The following GABPB1 variants were observed in gnomAD, a reference collection of about 807,000 sequenced individuals.
GABPB1 encodes GA-binding protein subunit beta-1.
In GABPB1, 15 loss-of-function variants were observed where a neutral mutation model predicts 45.9. The ratio of observed to expected loss-of-function variants is 0.33; its 90% CI spans 0.22 to 0.50. GABPB1 has a LOEUF of 0.50. GABPB1 is among the 20% of genes least tolerant of loss of function. GABPB1 has a pLI of 0.98. For synonymous variants in GABPB1, 143 were observed against 154.4 expected (o/e 0.93, Z 0.55); for missense variants, 252 against 457.5 (o/e 0.55, Z 4.10).
At chr15:50,331,448 T>A (rs984226483) in intron 1 of GABPB1, among the ~76,000 whole-genome samples, 1 of 152,180 alleles carries the variant, frequency 6.6e-6, no homozygotes, top group Admixed American at 6.5e-5. Flanking sequence ...ACCCTGGTGA[T>A]CCAGGGAAAT....
intron 1 of GABPB1, among the ~76,000 whole-genome samples, chr15:50,347,125 A>G (rs1000881148): frequency 3.9e-5 from 6 of 152,016 alleles, no homozygotes; most frequent in Admixed American, 2.6e-4. Context: ...CCCACTCCTG[A>G]GGGCTCTACC....
chr15:50,314,183 A>ATT (rs879259395), intron 1 of GABPB1, among the ~76,000 whole-genome samples: 70 of 115,620 alleles, frequency 6.1e-4, no homozygotes, highest in Middle Eastern at 5.3e-3. Flanking sequence ...TTATTTATTT[A>ATT]TTTATTTATT....
chr15:50,293,279 T>C (rs1470274711), intron 6 of GABPB1, among the ~76,000 whole-genome samples: 1 of 151,740 alleles, frequency 6.6e-6, no homozygotes, highest in Non-Finnish European at 1.5e-5. Flanking sequence ...AGGAACTGCT[T>C]TTTTTTTAAG....
chr15:50,290,341 A>G (rs1406148497), intron 6 of GABPB1, among the ~76,000 whole-genome samples: 1 of 152,208 alleles, frequency 6.6e-6, no homozygotes, highest in Non-Finnish European at 1.5e-5. Context: ...CTGTAATCCC[A>G]GCACTTTGAG....
At chr15:50,294,226 G>C (rs1168527315) in intron 6 of GABPB1, among the ~76,000 whole-genome samples, 2 of 152,112 alleles carry the variant, frequency 1.3e-5, no homozygotes, top group African/African-American at 4.8e-5. Context: ...TAATAAAATA[G>C]AAACTATGGA....
intron 1 of GABPB1, among the ~76,000 whole-genome samples, chr15:50,346,880 C>T (rs188221830): frequency 1.8e-4 from 27 of 151,656 alleles, no homozygotes; most frequent in East Asian, 7.7e-4. Flanking sequence ...CTCCGCCCCC[C>T]CCAGGTTCAA....
intron 1 of GABPB1, among the ~76,000 whole-genome samples, chr15:50,338,675 T>C (rs964854487): frequency 1.3e-5 from 2 of 151,912 alleles, no homozygotes; most frequent in Non-Finnish European, 2.9e-5. Context: ...GGCTTCACCA[T>C]GTTACACAGG....
intron 8 of GABPB1, among the ~76,000 whole-genome samples, chr15:50,282,865 G>C (rs1357070514): frequency 6.6e-6 from 1 of 152,068 alleles, no homozygotes; most frequent in Non-Finnish European, 1.5e-5. Flanking sequence ...GATCAGCCTG[G>C]CCAACCCGGT....
chr15:50,337,439 A>G (rs2048190634), intron 1 of GABPB1, among the ~76,000 whole-genome samples: 1 of 152,094 alleles, frequency 6.6e-6, no homozygotes, highest in African/African-American at 2.4e-5. Flanking sequence ...CTCTTCAGAC[A>G]TAAATGGTTA....
intron 8 of GABPB1, chr15:50,285,762 G>A (rs1733003676): frequency 9.2e-7 from 1 of 1,092,212 alleles, no homozygotes; most frequent in African/African-American, 1.6e-5. Flanking sequence ...TTTTCCTTTA[G>A]TGACGTGTAA....
intron 6 of GABPB1, 127 bp from the exon 7 acceptor site, chr15:50,289,795 T>C (rs1182971110): frequency 6.3e-6 from 4 of 629,950 alleles, no homozygotes; most frequent in African/African-American, 6.2e-5. Context: ...TAAATAGAGA[T>C]AGGGTCTCAC....
chr15:50,323,103 G>C (rs1269307829), intron 1 of GABPB1, among the ~76,000 whole-genome samples: 1 of 152,156 alleles, frequency 6.6e-6, no homozygotes, highest in Admixed American at 6.6e-5. Context: ...GGGCACAGTG[G>C]TGTGCACCTG....
intron 1 of GABPB1, among the ~76,000 whole-genome samples, chr15:50,332,686 G>A (rs1419380567): frequency 1.3e-5 from 2 of 151,582 alleles, no homozygotes; most frequent in Non-Finnish European, 2.9e-5. Context: ...GTTGAAGGTG[G>A]GTAATAAATA....
In GABPB1 at chr15:50,320,841, C is replaced by T. The variant is rs200739007; in HGVS notation, c.1-11043G>A. Among the ~76,000 whole-genome samples, 23 of 152,176 alleles carry T rather than the reference C, an allele frequency of 1.5e-4. 1 individual carries two copies. In the East Asian group the frequency reaches 2.5e-3, roughly 17 times the overall value. ...AGATTTGAAGATACTATGCTGTTGG[C>T]CTTAAAGATGGAGGAAGGGGTCACA... is the stretch of plus-strand genomic sequence containing the variant. On this transcript the variant is annotated intron_variant, in intron 1 of 8. Transcript: ENST00000380877.
chr15:50,317,126 T>A (rs562329781), intron 1 of GABPB1, among the ~76,000 whole-genome samples: 1 of 152,158 alleles, frequency 6.6e-6, no homozygotes, highest in South Asian at 2.1e-4. Flanking sequence ...CCGAGTGTAG[T>A]GGCTCATGCC....
intron 1 of GABPB1, among the ~76,000 whole-genome samples, chr15:50,317,908 CAAA>C (rs11300579): frequency 3.0e-5 from 4 of 132,462 alleles, no homozygotes; most frequent in East Asian, 2.6e-4. Context: ...GACTCCGTAT[CAAA>C]AAAAAAAAAA....
At chr15:50,283,775 G>C (rs1036354186) in intron 8 of GABPB1, among the ~76,000 whole-genome samples, 4 of 152,164 alleles carry the variant, frequency 2.6e-5, no homozygotes, top group African/African-American at 9.7e-5. Flanking sequence ...GCCTCCCAAA[G>C]TGCTGGGATT....
rs578192736 is a variant in GABPB1, at chr15:50,325,971, G to A, written c.1-16173C>T. Among the ~76,000 whole-genome samples the A allele has an allele frequency of 1.4e-3, 209 of 150,524 alleles. 3 individuals are homozygous for A. Among genetic ancestry groups the A allele is most frequent in the African/African-American group, 5.0e-3 (203 of 40,924 alleles). ...CGCCCAGGCTGGAGTGCAATGGCACGATCTCAGCTCACTGCAACCTCTGCC... is the reference window on the plus strand; with the variant it reads ...CGCCCAGGCTGGAGTGCAATGGCACAATCTCAGCTCACTGCAACCTCTGCC... On this transcript the variant is annotated intron_variant, in intron 1 of 8. Coordinates refer to ENST00000380877, the MANE Select transcript of GABPB1 (RefSeq NM_016654.5).
intron 1 of GABPB1, among the ~76,000 whole-genome samples, chr15:50,329,503 AT>A (rs2141120861): frequency 6.6e-6 from 1 of 152,294 alleles, no homozygotes; most frequent in South Asian, 2.1e-4. Flanking sequence ...TAGCAATAAA[AT>A]GAATAAAGGT....
Sources: allele counts gnomAD v4.1 joint callset (sites outside exome capture counted in the v4.1 genomes callset), GRCh38; gene constraint gnomAD v4.1.1; transcripts MANE v1.5; gene names NCBI Gene and HGNC (gene_info 2026-07-23, HGNC 2026-07-21).